Variants in EPHA5 observed in about 807,000 individuals in gnomAD.
EPHA5 encodes ephrin type-A receptor 5.
Under a neutral mutation model 105.0 loss-of-function variants are expected in EPHA5, and 60 were observed. The ratio of observed to expected loss-of-function variants is 0.57; its 90% CI spans 0.46 to 0.71. The LOEUF (loss-of-function observed/expected upper bound fraction) is 0.71, where lower values mean the gene tolerates loss of function less well. Ranked by LOEUF, EPHA5 falls within the 30% of genes least tolerant of loss-of-function variation. EPHA5 has a pLI of 0.00. For synonymous variants in EPHA5, 513 were observed against 449.1 expected (o/e 1.14, Z -1.80); for missense variants, 1,218 against 1,274.7 (o/e 0.96, Z 0.68).
chr4:65,565,315 C>A (rs969379786), intron 3 of EPHA5, among the ~76,000 whole-genome samples: 3 of 151,500 alleles, frequency 2.0e-5, no homozygotes, highest in African/African-American at 7.3e-5. Flanking sequence ...AACAGTGGTG[C>A]CCAATATATT....
intron 3 of EPHA5, among the ~76,000 whole-genome samples, chr4:65,580,721 G>A (rs1467317451): frequency 1.3e-5 from 2 of 150,980 alleles, no homozygotes; most frequent in African/African-American, 4.9e-5. Context: ...GACAAAAGTT[G>A]AGCATAAAAG....
At chr4:65,384,273 T>C (rs1719872639) in intron 8 of EPHA5, among the ~76,000 whole-genome samples, 1 of 151,996 alleles carries the variant, frequency 6.6e-6, no homozygotes, top group South Asian at 2.1e-4. Flanking sequence ...TCTATCAATA[T>C]TTCTGTGTTC....
chr4:65,421,753 GT>G (rs2149040430), intron 5 of EPHA5, among the ~76,000 whole-genome samples: 1 of 152,142 alleles, frequency 6.6e-6, no homozygotes, highest in African/African-American at 2.4e-5. Flanking sequence ...AATTGATTTG[GT>G]TTAGTTCACT....
chr4:65,324,926 T>C (rs10155073), intron 16 of EPHA5, among the ~76,000 whole-genome samples: 15,034 of 151,160 alleles, frequency 0.099, 965 homozygotes, highest in African/African-American at 0.17. Context: ...TTTACAAATA[T>C]TTAGATTTCT....
chr4:65,416,084 CAGTA>C (rs1224873495), intron 6 of EPHA5, among the ~76,000 whole-genome samples: 18 of 152,038 alleles, frequency 1.2e-4, no homozygotes, highest in Admixed American at 1.0e-3. Flanking sequence ...TAGTAACTCT[CAGTA>C]AGTAAGTTAA....
intron 2 of EPHA5, among the ~76,000 whole-genome samples, chr4:65,605,125 C>T (rs1287084091): frequency 1.3e-5 from 2 of 152,078 alleles, no homozygotes; most frequent in Non-Finnish European, 2.9e-5. Flanking sequence ...TAACTGGTTA[C>T]GCAGCTTGGG....
rs192707460 is a variant in EPHA5 at position 65,610,152 on chromosome 4, T to C, written c.247-7848A>G. 2.0e-5 allele frequency among the ~76,000 whole-genome samples: 3 copies of C among 152,154 alleles called. No homozygotes were observed. In the East Asian group the frequency reaches 5.8e-4, roughly 29 times the overall value. On this transcript the variant is annotated intron_variant, in intron 2 of 16. Coordinates refer to ENST00000613740, the MANE Select transcript of EPHA5 (RefSeq NM_001281766.3). Reference sequence around the variant, plus strand: ...AATATAGACTATGGAATAGTCTATATTGGAATAGTCTAATAGTCTATATAT... The same window carrying C: ...AATATAGACTATGGAATAGTCTATACTGGAATAGTCTAATAGTCTATATAT...
intron 3 of EPHA5, among the ~76,000 whole-genome samples, chr4:65,528,460 G>C (rs1436220326): frequency 1.3e-5 from 2 of 151,340 alleles, no homozygotes; most frequent in Non-Finnish European, 2.9e-5. Flanking sequence ...CTATCCTTAA[G>C]AGAAAAAAAA....
chr4:65,557,901 G>A (rs1413232030), intron 3 of EPHA5, among the ~76,000 whole-genome samples: 2 of 150,380 alleles, frequency 1.3e-5, no homozygotes, highest in Admixed American at 6.6e-5. Context: ...TTTTTTAGAC[G>A]GAGTCTAGCT....
rs189702936 is a variant in EPHA5, at chr4:65,404,877, G to A, written c.1688-398C>T. ...ACATTTTTAGAGTTTGTATTCTGCTGTTCTCTAGAAAAGAATCTGATGAAC... is the reference window on the plus strand; with the variant it reads ...ACATTTTTAGAGTTTGTATTCTGCTATTCTCTAGAAAAGAATCTGATGAAC... On this transcript the variant is annotated intron_variant, in intron 7 of 16. Coordinates refer to ENST00000613740, the MANE Select transcript of EPHA5 (RefSeq NM_001281766.3). 2.6e-4 allele frequency among the ~76,000 whole-genome samples: 39 copies of A among 152,166 alleles called. 1 individual carries two copies. The highest frequency in any genetic ancestry group is 2.4e-3 in the Admixed American group (37 of 15,276).
At chr4:65,456,284 C>A (rs1243722872) in intron 5 of EPHA5, among the ~76,000 whole-genome samples, 1 of 151,848 alleles carries the variant, frequency 6.6e-6, no homozygotes, top group Non-Finnish European at 1.5e-5. Context: ...TTAATTACTG[C>A]AGTTTTATTT....
rs937231387 is a variant in EPHA5 at position 65,670,427 on chromosome 4, G to A, written c.-685C>T. On this transcript the variant is annotated 5_prime_UTR_variant, in exon 1 of 17. Transcript: ENST00000613740. The stretch of plus-strand genomic sequence containing the variant: ...GCGGTTCCCGCTGCTCGGGGAGCAG[G>A]CGGTGTGTGCGCGGCTGCGAAGTCG... The A allele has an allele frequency of 1.3e-5, 3 of 233,370 alleles. No individual in the cohort carries two copies. Among genetic ancestry groups the A allele is most frequent in the African/African-American group, 4.4e-5 (2 of 45,348 alleles). The allele number at this position is 233,370 out of a possible 1,614,324, so 14.5% of individuals were successfully genotyped here. A position where few individuals can be genotyped will look rare whatever the true frequency, so the allele number is the denominator to read the frequency against.
At chr4:65,351,268 T>A in intron 13 of EPHA5, 121 bp downstream of exon 13, 2 of 875,830 alleles carry the variant, frequency 2.3e-6, no homozygotes, top group South Asian at 4.4e-5. Flanking sequence ...CCTCTCCCCC[T>A]CATTCTCTCT....
chr4:65,536,329 C>T (rs924160534), intron 3 of EPHA5, among the ~76,000 whole-genome samples: 10 of 151,894 alleles, frequency 6.6e-5, no homozygotes, highest in Non-Finnish European at 1.3e-4. Flanking sequence ...CTCTTGTAAT[C>T]GTTCCTTTAT....
intron 5 of EPHA5, among the ~76,000 whole-genome samples, chr4:65,489,834 T>C (rs952196043): frequency 6.6e-6 from 1 of 152,198 alleles, no homozygotes; most frequent in Non-Finnish European, 1.5e-5. Flanking sequence ...TGTATAATAG[T>C]TCATAGTTAC....
At chr4:65,665,213 A>G (rs1213280245) in intron 1 of EPHA5, among the ~76,000 whole-genome samples, 1 of 151,988 alleles carries the variant, frequency 6.6e-6, no homozygotes, top group African/African-American at 2.4e-5. Context: ...TTACAGTCAA[A>G]GGTAGAAAGG....
intron 1 of EPHA5, among the ~76,000 whole-genome samples, chr4:65,652,383 A>T (rs1243368559): frequency 1.3e-5 from 2 of 152,134 alleles, no homozygotes; most frequent in African/African-American, 4.8e-5. Flanking sequence ...CTGAAACTAA[A>T]ATTATATGTT....
At position 65,322,358 on chromosome 4, in the gene EPHA5, A is replaced by C. The variant is rs1239985423; in HGVS notation, c.*1756T>G. ...TATTCAAATAAAACAAGTGCTTGGAAAAAAGAATACCATTAATATAACGTG... is the reference window on the plus strand; with the variant it reads ...TATTCAAATAAAACAAGTGCTTGGACAAAAGAATACCATTAATATAACGTG... On this transcript the variant is annotated 3_prime_UTR_variant, in exon 17 of 17. Coordinates refer to ENST00000613740, the MANE Select transcript of EPHA5 (RefSeq NM_001281766.3). 1 of 224,438 alleles carries C rather than the reference A, an allele frequency of 4.5e-6. No homozygotes were observed. The highest frequency in any genetic ancestry group is 2.2e-5 in the African/African-American group (1 of 44,844). 13.9% of individuals were successfully genotyped at this position (224,438 alleles called of 1,614,324 possible). A position where few individuals can be genotyped will look rare whatever the true frequency, so the allele number is the denominator to read the frequency against.
chr4:65,666,213 A>T (rs1355585930), intron 1 of EPHA5, among the ~76,000 whole-genome samples: 1 of 152,174 alleles, frequency 6.6e-6, no homozygotes, highest in Non-Finnish European at 1.5e-5. Context: ...TTTCTTAAAC[A>T]TACAAAACAT....
Sources: gnomAD v4.1 joint callset for allele counts (sites outside exome capture counted in the v4.1 genomes callset) on GRCh38, gnomAD v4.1.1 for gene constraint, MANE v1.5 for transcripts, NCBI Gene and HGNC (gene_info 2026-07-23, HGNC 2026-07-21) for gene names.